RAPGEF2: variants seen among roughly 807,000 people sequenced by gnomAD.
RAPGEF2 encodes Rap guanine nucleotide exchange factor 2.
RAPGEF2 carries 54 observed loss-of-function variants against 186.7 expected under a neutral mutation model. The observed-to-expected ratio is 0.29, with a 90% confidence interval of 0.23 to 0.36. RAPGEF2 has a LOEUF of 0.36. RAPGEF2 is among the 10% of genes least tolerant of loss of function. The pLI is 1.00. For synonymous variants in RAPGEF2, 712 were observed against 705.9 expected, an observed-to-expected ratio of 1.01 and a Z score of -0.14; for missense variants, 1,532 against 2,045.0, an observed-to-expected ratio of 0.75 and a Z score of 4.84.
At chr4:159,309,213 C>T (rs111392986) in intron 8 of RAPGEF2, among the ~76,000 whole-genome samples, 1 of 152,178 alleles carries the variant, frequency 6.6e-6, no homozygotes, top group African/African-American at 2.4e-5. Context: ...CCTTTGTTTT[C>T]AAGTGTCATC....
intron 1 of RAPGEF2, among the ~76,000 whole-genome samples, chr4:159,179,916 A>T (rs1256761895): frequency 6.6e-6 from 1 of 152,180 alleles, no homozygotes; most frequent in Admixed American, 6.5e-5. Context: ...CAGACAGTTC[A>T]TGTGCAAGTT....
intron 1 of RAPGEF2, among the ~76,000 whole-genome samples, chr4:159,178,972 A>G (rs1746745857): frequency 6.6e-6 from 1 of 152,206 alleles, no homozygotes; most frequent in Non-Finnish European, 1.5e-5. Context: ...TCTGGTTTAC[A>G]TTTGGGACAA....
intron 17 of RAPGEF2, among the ~76,000 whole-genome samples, chr4:159,335,658 ACC>A (rs1441506996): frequency 6.6e-6 from 1 of 151,868 alleles, no homozygotes; most frequent in East Asian, 1.9e-4. Flanking sequence ...CCACGGTGAA[ACC>A]CCGTCTCTAC....
At chr4:159,166,878 C>CT (rs970523669) in intron 1 of RAPGEF2, among the ~76,000 whole-genome samples, 1 of 152,104 alleles carries the variant, frequency 6.6e-6, no homozygotes, top group African/African-American at 2.4e-5. Flanking sequence ...GTAGTGGATG[C>CT]TGATGTGGGC....
chr4:159,141,339 C>T (rs1002320496), intron 1 of RAPGEF2, among the ~76,000 whole-genome samples: 4 of 152,052 alleles, frequency 2.6e-5, no homozygotes, highest in Admixed American at 2.6e-4. Flanking sequence ...TAAATATTTC[C>T]ACGAGATGAT....
At chr4:159,139,674 A>G (rs1481292297) in intron 1 of RAPGEF2, among the ~76,000 whole-genome samples, 1 of 152,194 alleles carries the variant, frequency 6.6e-6, no homozygotes, top group African/African-American at 2.4e-5. Flanking sequence ...TAAGCTCAAA[A>G]TTATTCTAAA....
intron 3 of RAPGEF2, among the ~76,000 whole-genome samples, chr4:159,208,505 T>A (rs904942194): frequency 6.6e-6 from 1 of 152,108 alleles, no homozygotes; most frequent in Non-Finnish European, 1.5e-5. Flanking sequence ...CACCCTAGAA[T>A]ATGAGATGGA....
At chr4:159,243,608 A>T (rs899274086) in intron 6 of RAPGEF2, among the ~76,000 whole-genome samples, 166 bp from the exon 7 acceptor site, 1 of 152,044 alleles carries the variant, frequency 6.6e-6, no homozygotes, top group Non-Finnish European at 1.5e-5. Context: ...TTTCAAGTGC[A>T]TGGCTAAATA....
chr4:159,145,604 TC>T (rs1427412975), intron 1 of RAPGEF2, among the ~76,000 whole-genome samples: 1 of 152,222 alleles, frequency 6.6e-6, no homozygotes, highest in Non-Finnish European at 1.5e-5. Context: ...TCTTACCAGC[TC>T]TTCAAAATCC....
At chr4:159,140,837 A>G (rs67252346) in intron 1 of RAPGEF2, among the ~76,000 whole-genome samples, 2 of 62,390 alleles carry the variant, frequency 3.2e-5, no homozygotes, top group Non-Finnish European at 7.1e-5. Flanking sequence ...AAAAAAAAAA[A>G]TTTTTTTTTT....
chr4:159,257,634 G>GT (rs1257068190), intron 7 of RAPGEF2, among the ~76,000 whole-genome samples: 1 of 152,152 alleles, frequency 6.6e-6, no homozygotes, highest in Non-Finnish European at 1.5e-5. Context: ...AGCAATTTCA[G>GT]TTTTCTGCAT....
chr4:159,262,006 T>C (rs1198809314), intron 7 of RAPGEF2, among the ~76,000 whole-genome samples: 3 of 152,210 alleles, frequency 2.0e-5, no homozygotes, highest in African/African-American at 7.2e-5. Context: ...CTGGATTTTG[T>C]CAGTAAAGAA....
chr4:159,222,009 AT>A (rs1751591441), intron 4 of RAPGEF2, among the ~76,000 whole-genome samples: 1 of 152,242 alleles, frequency 6.6e-6, no homozygotes, highest in Non-Finnish European at 1.5e-5. Flanking sequence ...TCACAGTGGT[AT>A]ATATTAAAAT....
intron 11 of RAPGEF2, among the ~76,000 whole-genome samples, chr4:159,324,507 AGT>A (rs2111167331): frequency 6.6e-6 from 1 of 152,358 alleles, no homozygotes; most frequent in East Asian, 1.9e-4. Flanking sequence ...AAAATATGGA[AGT>A]AAAATGCACA....
chr4:159,125,171 C>T (rs1740149651), intron 1 of RAPGEF2, among the ~76,000 whole-genome samples: 1 of 152,158 alleles, frequency 6.6e-6, no homozygotes, highest in South Asian at 2.1e-4. Flanking sequence ...ACCCCAATAC[C>T]TGGCATATGT....
At chr4:159,107,863 T>A (rs1254789728) in intron 1 of RAPGEF2, among the ~76,000 whole-genome samples, 1 of 152,238 alleles carries the variant, frequency 6.6e-6, no homozygotes, top group East Asian at 1.9e-4. Flanking sequence ...AATTTTCCAT[T>A]TGAGTTTCTT....
rs1026027528 is a variant in RAPGEF2 at position 159,104,003 on chromosome 4, C to G, written c.-160C>G. The G allele has an allele frequency of 1.8e-5, 3 of 171,340 alleles. No individual in the cohort carries two copies. Among genetic ancestry groups the G allele is most frequent in the Non-Finnish European group, 3.5e-5 (3 of 86,312 alleles). 10.6% of individuals were successfully genotyped at this position (171,340 alleles called of 1,614,324 possible). On this transcript the variant is annotated 5_prime_UTR_variant, in exon 1 of 30. Transcript: ENST00000691494. Reference sequence around the variant, plus strand: ...CTCTCGGCCGCCGGGCCCAGCCGAGCCGCCCCCCCGCGGGCCCCGCGCCGC... The same window carrying G: ...CTCTCGGCCGCCGGGCCCAGCCGAGGCGCCCCCCCGCGGGCCCCGCGCCGC...
intron 7 of RAPGEF2, among the ~76,000 whole-genome samples, chr4:159,252,229 T>C (rs989098820): frequency 6.6e-6 from 1 of 152,178 alleles, no homozygotes; most frequent in Non-Finnish European, 1.5e-5. Context: ...CTCGTGTTTT[T>C]TGTAGGGACA....
At chr4:159,124,002 C>T (rs770179868) in intron 1 of RAPGEF2, among the ~76,000 whole-genome samples, 1 of 151,934 alleles carries the variant, frequency 6.6e-6, no homozygotes, top group African/African-American at 2.4e-5. Context: ...ATTACAGGCG[C>T]GTGCCACCAC....
Sources: gnomAD v4.1 joint callset for allele counts (sites outside exome capture counted in the v4.1 genomes callset) on GRCh38, gnomAD v4.1.1 for gene constraint, MANE v1.5 for transcripts, NCBI Gene and HGNC (gene_info 2026-07-23, HGNC 2026-07-21) for gene names.